The following MRPL21 variants were observed in gnomAD, a reference collection of about 807,000 sequenced individuals.
MRPL21 encodes the protein large ribosomal subunit protein bL21m.
In MRPL21, 20 loss-of-function variants were observed where a neutral mutation model predicts 27.3. That is an observed-to-expected ratio of 0.73 (90% confidence interval 0.52 to 1.06). The LOEUF (loss-of-function observed/expected upper bound fraction) is 1.06. Among genes scored for constraint, MRPL21 ranks in the 50% least tolerant of loss-of-function variants. The pLI is 0.00. For missense variants in MRPL21, 249 were observed against 251.4 expected, an observed-to-expected ratio of 0.99 and a Z score of 0.06; for synonymous variants, 98 against 101.5, an observed-to-expected ratio of 0.97 and a Z score of 0.21.
At chr11:68,891,610 C>CA in intron 6 of MRPL21, 1 of 605,006 alleles carries the variant, frequency 1.7e-6, no homozygotes, top group Middle Eastern at 4.5e-4. Flanking sequence ...CCAGACGCCT[C>CA]ATGGCCAGGA....
At chr11:68,893,848 T>G (rs1332899762) in intron 4 of MRPL21, among the ~76,000 whole-genome samples, 1 of 151,892 alleles carries the variant, frequency 6.6e-6, no homozygotes, top group African/African-American at 2.4e-5. Flanking sequence ...CCGAGGTGGG[T>G]GGATCACAAG....
rs1323934055 is a variant in MRPL21, at chr11:68,891,311, TGTAA to T, written c.*16_*19del. Reference sequence around the variant, plus strand: ...AAGCAGGAGTTTATTTTTATCCTTTTGTAAGTATTAACTCGGTAATCACAACAAA... The same window carrying T: ...AAGCAGGAGTTTATTTTTATCCTTTTGTATTAACTCGGTAATCACAACAAA... On this transcript the variant is annotated 3_prime_UTR_variant, in exon 7 of 7. Coordinates refer to ENST00000362034, the MANE Select transcript of MRPL21 (RefSeq NM_181514.2). 6.8e-6 allele frequency: 11 copies of T among 1,612,226 alleles called. No individual in the cohort carries two copies. The highest frequency in any genetic ancestry group is 8.5e-6 in the Non-Finnish European group (10 of 1,178,462).
chr11:68,900,347 C>T (rs151099154), intron 2 of MRPL21, among the ~76,000 whole-genome samples: 1 of 152,338 alleles, frequency 6.6e-6, no homozygotes, highest in East Asian at 1.9e-4. Flanking sequence ...ATCCCAGCTA[C>T]TCAGGAGGCT....
In MRPL21 at chr11:68,898,717, C is replaced by T. The variant is rs936751341; in HGVS notation, c.147-705G>A. Among the ~76,000 whole-genome samples, 19 of 152,318 alleles carry T rather than the reference C, an allele frequency of 1.2e-4. No individual in the cohort carries two copies. In the East Asian group the frequency reaches 3.7e-3, roughly 29 times the overall value. ...GGGTCGGGTGTTAGGAGTGCTCAGT[C>T]TCAGCAGCTATAGCACTGCGGTCCC... On this transcript the variant is annotated intron_variant, in intron 2 of 6. Coordinates refer to ENST00000362034, the MANE Select transcript of MRPL21 (RefSeq NM_181514.2).
chr11:68,898,260 C>T (rs1225137338), intron 2 of MRPL21, among the ~76,000 whole-genome samples: 1 of 152,206 alleles, frequency 6.6e-6, no homozygotes, highest in African/African-American at 2.4e-5. Context: ...GCAAAAGAGC[C>T]CTCACTTGGG....
chr11:68,891,322 A>G lies in MRPL21; in HGVS notation c.*9T>C. ...TATTTTTATCCTTTTGTAAGTATTA[A>G]CTCGGTAATCACAACAAACACGGAG... On this transcript the variant is annotated 3_prime_UTR_variant, in exon 7 of 7. Coordinates refer to ENST00000362034, the MANE Select transcript of MRPL21 (RefSeq NM_181514.2). The G allele has an allele frequency of 6.2e-7, 1 of 1,613,534 alleles. No individual in the cohort carries two copies. The highest frequency in any genetic ancestry group is 8.5e-7 in the Non-Finnish European group (1 of 1,179,568).
chr11:68,902,810 C>A (rs778102757), intron 1 of MRPL21, among the ~76,000 whole-genome samples: 4 of 152,120 alleles, frequency 2.6e-5, no homozygotes, highest in Non-Finnish European at 5.9e-5. Context: ...TTATCCTTTT[C>A]TCCCCCAATC....
intron 4 of MRPL21, 118 bp from the exon 5 acceptor site, chr11:68,893,573 A>G: frequency 7.5e-7 from 1 of 1,329,432 alleles, no homozygotes; most frequent in African/African-American, 1.5e-5. Context: ...AAACATTGTG[A>G]CATGAATTTC....
intron 3 of MRPL21, chr11:68,897,701 T>C (rs550637586): frequency 1.0e-4 from 57 of 567,574 alleles, no homozygotes; most frequent in African/African-American, 9.7e-4. Flanking sequence ...CCCTCAATTA[T>C]GCCACCTGCC....
intron 1 of MRPL21, among the ~76,000 whole-genome samples, chr11:68,903,391 T>C (rs1322227945): frequency 6.6e-6 from 1 of 152,210 alleles, no homozygotes; most frequent in African/African-American, 2.4e-5. Flanking sequence ...GCACAGGCTT[T>C]GGAGCCGAAA....
chr11:68,893,110 G>T, intron 5 of MRPL21, 117 bp from the exon 6 acceptor site: 5 of 1,344,062 alleles, frequency 3.7e-6, no homozygotes, highest in Non-Finnish European at 3.9e-6. Flanking sequence ...AAAGTAATAC[G>T]CCCTCAATGG....
chr11:68,894,823 A>C lies in MRPL21; in HGVS notation c.397-1368T>G, dbSNP rs956300487. Among the ~76,000 whole-genome samples the C allele has an allele frequency of 8.5e-5, 13 of 152,180 alleles. No homozygotes were observed. The South Asian group carries it at 2.3e-3, about 27-fold the overall frequency. On this transcript the variant is annotated intron_variant, in intron 4 of 6. Coordinates refer to ENST00000362034, the MANE Select transcript of MRPL21 (RefSeq NM_181514.2). ...ATCTGCTTAGGAGGGGCTTTCTAGAATTTTTTGTTAATGTGAAATGTTTCA... is the reference window on the plus strand; with the variant it reads ...ATCTGCTTAGGAGGGGCTTTCTAGACTTTTTTGTTAATGTGAAATGTTTCA...
rs887587905 is a variant in MRPL21, at chr11:68,891,941, G to A, written c.554-546C>T. On this transcript the variant is annotated intron_variant, in intron 6 of 6. Coordinates refer to ENST00000362034, the MANE Select transcript of MRPL21 (RefSeq NM_181514.2). ...ATCCCTCAGGATGCCCACTATGGGG[G>A]ATGTCCTCAGTGCAGACCTGCTAGG... is the stretch of plus-strand genomic sequence containing the variant. 1.3e-5 allele frequency: 8 copies of A among 602,388 alleles called. No homozygotes were observed. In the South Asian group the frequency reaches 4.0e-4, roughly 30 times the overall value. The allele number at this position is 602,388 out of a possible 1,614,324, so 37.3% of individuals were successfully genotyped here. A position where few individuals can be genotyped will look rare whatever the true frequency, so the allele number is the denominator to read the frequency against.
At chr11:68,892,006 G>A (rs2154005400) in intron 6 of MRPL21, 1 of 1,041,012 alleles carries the variant, frequency 9.6e-7, no homozygotes, top group Non-Finnish European at 1.3e-6. Flanking sequence ...GCTGCTTTGG[G>A]GACAGTGCTA....
chr11:68,900,407 CAT>C (rs1857904513), intron 2 of MRPL21, 139 bp downstream of exon 2: 7 of 840,668 alleles, frequency 8.3e-6, no homozygotes, highest in South Asian at 8.3e-5. Context: ...GTCTGGGAAA[CAT>C]AGTGAAACTC....
At position 68,892,887 on chromosome 11, in the gene MRPL21, T is replaced by C. The variant is rs755643247; in HGVS notation, c.553+3A>G. The C allele has an allele frequency of 6.2e-7, 1 of 1,610,846 alleles. No individual in the cohort carries two copies. The highest frequency in any genetic ancestry group is 1.1e-5 in the South Asian group (1 of 90,544). On this transcript the variant is annotated splice_donor_region_variant and intron_variant, in intron 6 of 6. Coordinates refer to ENST00000362034, the MANE Select transcript of MRPL21 (RefSeq NM_181514.2). Reference sequence around the variant, plus strand: ...GGGCCCAGCGGTACTTTCTCTAACTTACTTCTTTTCTTCTTGAAGTTTTTC... The same window carrying C: ...GGGCCCAGCGGTACTTTCTCTAACTCACTTCTTTTCTTCTTGAAGTTTTTC...
At chr11:68,891,703 G>A in intron 6 of MRPL21, 1 of 541,250 alleles carries the variant, frequency 1.8e-6, no homozygotes, top group South Asian at 2.4e-5. Context: ...GGCCCCACCT[G>A]AGTGACCTTG....
At chr11:68,891,894 TG>T in intron 6 of MRPL21, 2 of 490,924 alleles carry the variant, frequency 4.1e-6, no homozygotes, top group Non-Finnish European at 7.0e-6. Flanking sequence ...CTCAGCTATG[TG>T]GCCCATGCCC....
chr11:68,900,958 AC>A (rs2154006076), intron 1 of MRPL21, among the ~76,000 whole-genome samples: 1 of 151,920 alleles, frequency 6.6e-6, no homozygotes, highest in African/African-American at 2.4e-5. Flanking sequence ...TGCTATTCTT[AC>A]CCCTGTTAGC....
Sources: allele counts gnomAD v4.1 joint callset (sites outside exome capture counted in the v4.1 genomes callset), GRCh38; gene constraint gnomAD v4.1.1; transcripts MANE v1.5; gene names NCBI Gene and HGNC (gene_info 2026-07-23, HGNC 2026-07-21).